The following ILKAP variants were observed in gnomAD, a reference collection of about 807,000 sequenced individuals.
The protein encoded by ILKAP is integrin-linked kinase-associated serine/threonine phosphatase 2C.
In ILKAP, 11 loss-of-function variants were observed where a neutral mutation model predicts 49.1. The observed-to-expected ratio is 0.22, with a 90% CI of 0.14 to 0.37. The LOEUF (loss-of-function observed/expected upper bound fraction) is 0.37. ILKAP is among the 10% of genes least tolerant of loss of function. ILKAP has a pLI of 1.00. For synonymous variants in ILKAP, 186 were observed against 192.8 expected, an observed-to-expected ratio of 0.96 and a Z score of 0.29; for missense variants, 363 against 510.8, an observed-to-expected ratio of 0.71 and a Z score of 2.79.
chr2:238,201,003 T>A (rs1694546036), intron 1 of ILKAP, among the ~76,000 whole-genome samples: 1 of 152,216 alleles, frequency 6.6e-6, no homozygotes, highest in South Asian at 2.1e-4. Flanking sequence ...CTAAACCAAG[T>A]AGTCTGGTTA....
intron 9 of ILKAP, among the ~76,000 whole-genome samples, chr2:238,175,970 A>G (rs1047619411): frequency 2.6e-5 from 4 of 151,926 alleles, no homozygotes; most frequent in African/African-American, 4.8e-5. Flanking sequence ...CATTTCTTAG[A>G]AAGTCTGCGC....
intron 5 of ILKAP, chr2:238,186,487 T>C (rs773319691): frequency 1.3e-5 from 2 of 152,216 alleles, no homozygotes; most frequent in African/African-American, 4.8e-5. Flanking sequence ...TGTAATCTTA[T>C]GGGAGCACCG....
At chr2:238,170,761 T>C (rs1693179368) in intron 11 of ILKAP, 85 bp from the exon 12 acceptor site, 1 of 1,591,510 alleles carries the variant, frequency 6.3e-7, no homozygotes, top group Non-Finnish European at 8.6e-7. Context: ...GAAGAAGAGC[T>C]GCTCTGGTCT....
Position 238,171,031 on chromosome 2 carries a change from C to T in ILKAP, c.957-7G>A, listed in dbSNP as rs1165845186. 2.5e-6 allele frequency: 4 copies of T among 1,609,554 alleles called. No homozygotes were observed. Among genetic ancestry groups the T allele is most frequent in the African/African-American group, 1.3e-5 (1 of 74,678 alleles). On this transcript the variant is annotated splice_region_variant and splice_polypyrimidine_tract_variant and intron_variant, in intron 10 of 11. Transcript: ENST00000254654. The stretch of plus-strand genomic sequence containing the variant: ...ACAGGCCAACAAAATGAACCTACAA[C>T]ACCAGGGAGAAATATAAACGGGTTT...
intron 1 of ILKAP, among the ~76,000 whole-genome samples, chr2:238,196,226 G>A (rs142259350): frequency 2.0e-5 from 3 of 151,588 alleles, no homozygotes; most frequent in Non-Finnish European, 4.4e-5. Context: ...GAGTAGGTGA[G>A]ATCACAGGCG....
rs1178866223 is a variant in ILKAP, at chr2:238,203,690, G to C, written c.-137C>G. 6.3e-6 allele frequency: 2 copies of C among 319,138 alleles called. No individual in the cohort carries two copies. The highest frequency in any genetic ancestry group is 1.0e-5 in the Non-Finnish European group (2 of 198,140). The allele number at this position is 319,138 out of a possible 1,614,324, so 19.8% of individuals were successfully genotyped here. A position where few individuals can be genotyped will look rare whatever the true frequency, so the allele number is the denominator to read the frequency against. ...GCCGGCGCCGTCAGTCACCTGCAGG[G>C]AGAGTCCCGGACGCCACCAATCGGC... On this transcript the variant is annotated 5_prime_UTR_variant, in exon 1 of 12. Coordinates refer to ENST00000254654, the MANE Select transcript of ILKAP (RefSeq NM_030768.3).
chr2:238,170,929 G>T lies in ILKAP; in HGVS notation c.1038+14C>A. On this transcript the variant is annotated intron_variant, in intron 11 of 11. Coordinates refer to ENST00000254654, the MANE Select transcript of ILKAP (RefSeq NM_030768.3). ...CAATTGGGACAACCACCACCCCCGTGTGAGATTTCTCACCTCGAGACAGGA... is the reference window on the plus strand; with the variant it reads ...CAATTGGGACAACCACCACCCCCGTTTGAGATTTCTCACCTCGAGACAGGA... The T allele has an allele frequency of 1.2e-6, 2 of 1,610,276 alleles. No homozygotes were observed. The highest frequency in any genetic ancestry group is 1.7e-4 in the Middle Eastern group (1 of 6,058).
intron 3 of ILKAP, among the ~76,000 whole-genome samples, chr2:238,191,341 T>C (rs1694114001): frequency 1.3e-5 from 2 of 152,172 alleles, no homozygotes; most frequent in Non-Finnish European, 1.5e-5. Context: ...AGTTTCACCA[T>C]GTTGGGTAGG....
intron 10 of ILKAP, among the ~76,000 whole-genome samples, chr2:238,173,140 C>T (rs1034211528): frequency 6.6e-6 from 1 of 152,190 alleles, no homozygotes; most frequent in Non-Finnish European, 1.5e-5. Flanking sequence ...CCAAAGTACC[C>T]TGCTATCACT....
chr2:238,194,381 T>TAA (rs780476617), intron 2 of ILKAP, 50 bp from the exon 3 acceptor site: 2 of 1,568,040 alleles, frequency 1.3e-6, no homozygotes, highest in Admixed American at 3.4e-5. Flanking sequence ...ATGTAAGACT[T>TAA]AAGTTTCAGA....
chr2:238,180,615 G>A (rs1372419604), intron 9 of ILKAP, among the ~76,000 whole-genome samples: 2 of 152,234 alleles, frequency 1.3e-5, no homozygotes, highest in East Asian at 3.8e-4. Context: ...AACAGACCAC[G>A]ACAGGGCTCT....
At position 238,194,825 on chromosome 2, in the gene ILKAP, G is replaced by C. The variant is rs769237239; in HGVS notation, c.101C>G (p.Pro34Arg). ...TGTACCTGAGTCAGTACTGCTGGCCGGAGGGAGGTCATCAAAGAGCAGGGG... is the reference window on the plus strand; with the variant it reads ...TGTACCTGAGTCAGTACTGCTGGCCCGAGGGAGGTCATCAAAGAGCAGGGG... ...KGPLLFDDLP[P>R]ASSTDSGSGG... is the part of the protein sequence containing the mutation. Residue 34 changes from proline to arginine, a missense_variant, in exon 2 of 12, where the codon CCG (proline) becomes CGG (arginine). Coordinates refer to ENST00000254654, the MANE Select transcript of ILKAP (RefSeq NM_030768.3). 6.8e-6 allele frequency: 11 copies of C among 1,614,088 alleles called. No individual in the cohort carries two copies. Among genetic ancestry groups the C allele is most frequent in the Non-Finnish European group, 9.3e-6 (11 of 1,179,958 alleles).
In ILKAP at chr2:238,177,905, A is replaced by G. The variant is rs543029385; in HGVS notation, c.836+4160T>C. Among the ~76,000 whole-genome samples, 6 of 152,290 alleles carry G rather than the reference A, an allele frequency of 3.9e-5. No homozygotes were observed. In the South Asian group the frequency reaches 1.2e-3, roughly 32 times the overall value. ...CTGAGGAACTGCCATACTGTTTTCC[A>G]TAGTGGCTACACCATTTCACATTCC... On this transcript the variant is annotated intron_variant, in intron 9 of 11. Coordinates refer to ENST00000254654, the MANE Select transcript of ILKAP (RefSeq NM_030768.3).
chr2:238,178,830 T>C (rs1286977378), intron 9 of ILKAP, among the ~76,000 whole-genome samples: 1 of 152,220 alleles, frequency 6.6e-6, no homozygotes, highest in African/African-American at 2.4e-5. Flanking sequence ...CTTGCTCTGT[T>C]ACTCAAGCTT....
At chr2:238,177,987 G>A (rs1207617632) in intron 9 of ILKAP, among the ~76,000 whole-genome samples, 1 of 152,076 alleles carries the variant, frequency 6.6e-6, no homozygotes, top group African/African-American at 2.4e-5. Context: ...AGGGAAAAAA[G>A]CCCTTTATAA....
chr2:238,179,409 T>C (rs1460454958), intron 9 of ILKAP, among the ~76,000 whole-genome samples: 1 of 152,228 alleles, frequency 6.6e-6, no homozygotes, highest in African/African-American at 2.4e-5. Flanking sequence ...GATGTTCTCT[T>C]ATTGATGATA....
chr2:238,178,001 G>T (rs1312236068), intron 9 of ILKAP, among the ~76,000 whole-genome samples: 1 of 151,856 alleles, frequency 6.6e-6, no homozygotes, highest in African/African-American at 2.4e-5. Context: ...TTTATAAATT[G>T]GATAAACTGA....
intron 5 of ILKAP, chr2:238,186,505 T>C (rs1693914630): frequency 6.6e-6 from 1 of 152,188 alleles, no homozygotes; most frequent in South Asian, 2.1e-4. Context: ...CCGTCATATA[T>C]GCAGTCCATC....
chr2:238,177,527 TA>T (rs1376488005), intron 9 of ILKAP, among the ~76,000 whole-genome samples: 1 of 152,212 alleles, frequency 6.6e-6, no homozygotes, highest in Non-Finnish European at 1.5e-5. Flanking sequence ...ACCACCATTC[TA>T]CTTTCTGTGA....
Sources: allele counts gnomAD v4.1 joint callset (sites outside exome capture counted in the v4.1 genomes callset), GRCh38; gene constraint gnomAD v4.1.1; transcripts MANE v1.5; gene names NCBI Gene and HGNC (gene_info 2026-07-23, HGNC 2026-07-21).